Variants in HS6ST2 observed in about 807,000 individuals in gnomAD.
HS6ST2 encodes the protein heparan sulfate 6-O-sulfotransferase 2.
In HS6ST2, 17 loss-of-function variants were observed where a neutral mutation model predicts 33.0. The observed-to-expected ratio is 0.52, with a 90% CI of 0.35 to 0.77. The LOEUF (loss-of-function observed/expected upper bound fraction) is 0.77, where lower values mean the gene tolerates loss of function less well. Ranked by LOEUF, HS6ST2 falls within the 30% of genes least tolerant of loss-of-function variation. The pLI is 0.01. For synonymous variants in HS6ST2, 248 were observed against 237.1 expected, an observed-to-expected ratio of 1.05 and a Z score of -0.42; for missense variants, 519 against 551.7, an observed-to-expected ratio of 0.94 and a Z score of 0.59.
chrX:132,879,331 C>T (rs145502220), intron 2 of HS6ST2, among the ~76,000 whole-genome samples: 1 of 111,877 alleles, frequency 8.9e-6, no homozygotes, highest in East Asian at 2.8e-4. Flanking sequence ...TGCCTAACAG[C>T]CACCCATCAT....
At position 132,860,248 on chromosome X, in the gene HS6ST2, G is replaced by A. The variant is rs191833408; in HGVS notation, c.947+96560C>T. Reference sequence around the variant, plus strand: ...CTTATGAGTGGCATATTGTCAGTCTGTAGTTGATTGGTTTTATGGTGCCTC... The same window carrying A: ...CTTATGAGTGGCATATTGTCAGTCTATAGTTGATTGGTTTTATGGTGCCTC... On this transcript the variant is annotated intron_variant, in intron 2 of 4. Coordinates refer to ENST00000370833, the MANE Select transcript of HS6ST2 (RefSeq NM_001394073.1). Among the ~76,000 whole-genome samples the A allele has an allele frequency of 3.6e-5, 4 of 112,045 alleles. No individual in the cohort carries two copies. In the East Asian group the frequency reaches 1.1e-3, roughly 32 times the overall value.
intron 2 of HS6ST2, among the ~76,000 whole-genome samples, chrX:132,940,546 A>G (rs1172798909): frequency 8.9e-6 from 1 of 111,915 alleles, no homozygotes; most frequent in Non-Finnish European, 1.9e-5. Flanking sequence ...AGAGACTTGA[A>G]CCTAGAATAT....
intron 2 of HS6ST2, among the ~76,000 whole-genome samples, chrX:132,781,095 T>C (rs1569490260): frequency 8.9e-6 from 1 of 112,243 alleles, no homozygotes; most frequent in Non-Finnish European, 1.9e-5. Flanking sequence ...GTTTCTCACA[T>C]ACACTGTCTT....
chrX:132,916,208 A>G (rs748135598), intron 2 of HS6ST2, among the ~76,000 whole-genome samples: 2 of 111,617 alleles, frequency 1.8e-5, no homozygotes, highest in South Asian at 7.6e-4. Flanking sequence ...CCCTGCTGCT[A>G]ACTATCTGTA....
chrX:132,806,610 C>G (rs1048331497), intron 2 of HS6ST2, among the ~76,000 whole-genome samples: 6 of 110,321 alleles, frequency 5.4e-5, no homozygotes, highest in Non-Finnish European at 9.6e-5. Context: ...AGAGCAAAAG[C>G]AGCCATAGAC....
chrX:132,753,814 A>G (rs2064731896), intron 2 of HS6ST2, among the ~76,000 whole-genome samples: 1 of 111,818 alleles, frequency 8.9e-6, no homozygotes, highest in Non-Finnish European at 1.9e-5. Flanking sequence ...TTAAGGGGGC[A>G]CCAAAACATT....
intron 3 of HS6ST2, among the ~76,000 whole-genome samples, chrX:132,693,147 T>TCAGGACAGGCAGAGCAGACCC (rs1464728442): frequency 1.8e-5 from 2 of 112,039 alleles, no homozygotes; most frequent in African/African-American, 6.5e-5. Flanking sequence ...ATGGTAGATA[T>TCAGGACAGGCAGAGCAGACCC]CAGGACAGGC....
At chrX:132,818,065 C>T (rs2065412120) in intron 2 of HS6ST2, among the ~76,000 whole-genome samples, 1 of 111,418 alleles carries the variant, frequency 9.0e-6, no homozygotes, top group Non-Finnish European at 1.9e-5. Context: ...GTTTGAAGGG[C>T]TTTATGGATA....
At chrX:132,855,776 T>C (rs1341146083) in intron 2 of HS6ST2, among the ~76,000 whole-genome samples, 2 of 111,466 alleles carry the variant, frequency 1.8e-5, no homozygotes, top group Non-Finnish European at 3.8e-5. Flanking sequence ...TCAACTACAA[T>C]AGTTTAAAAT....
At chrX:132,748,629 G>T (rs920075193) in intron 2 of HS6ST2, among the ~76,000 whole-genome samples, 3 of 111,266 alleles carry the variant, frequency 2.7e-5, no homozygotes, top group African/African-American at 6.5e-5. Context: ...TTGAGACGGG[G>T]TCTCACTCTG....
chrX:132,740,469 G>T (rs916513193), intron 2 of HS6ST2, among the ~76,000 whole-genome samples: 1 of 111,554 alleles, frequency 9.0e-6, no homozygotes, highest in Non-Finnish European at 1.9e-5. Context: ...CACAATAGCG[G>T]GGGTGTGGGG....
At chrX:132,717,480 G>C (rs1218044526) in intron 2 of HS6ST2, among the ~76,000 whole-genome samples, 1 of 112,671 alleles carries the variant, frequency 8.9e-6, no homozygotes, top group African/African-American at 3.2e-5. Context: ...TACAACCAAC[G>C]GTTTTGATGA....
chrX:132,724,811 T>G (rs1191457203), intron 2 of HS6ST2, among the ~76,000 whole-genome samples: 1 of 111,525 alleles, frequency 9.0e-6, no homozygotes, highest in Non-Finnish European at 1.9e-5. Flanking sequence ...AACAGACAGG[T>G]CAATGGAACA....
intron 4 of HS6ST2, among the ~76,000 whole-genome samples, chrX:132,640,679 A>G (rs1156423000): frequency 9.0e-6 from 1 of 111,614 alleles, no homozygotes; most frequent in Non-Finnish European, 1.9e-5. Flanking sequence ...CAAGCATACT[A>G]AGATTTCCAA....
chrX:132,726,878 T>C (rs923203673), intron 2 of HS6ST2, among the ~76,000 whole-genome samples: 1 of 111,671 alleles, frequency 9.0e-6, no homozygotes, highest in Non-Finnish European at 1.9e-5. Context: ...TTCCATTTTA[T>C]AGATATCCAC....
In HS6ST2 at chrX:132,785,222, G is replaced by A. The variant is rs950880055; in HGVS notation, c.948-76728C>T. On this transcript the variant is annotated intron_variant, in intron 2 of 4. Coordinates refer to ENST00000370833, the MANE Select transcript of HS6ST2 (RefSeq NM_001394073.1). The stretch of plus-strand genomic sequence containing the variant: ...TTGAGGCAAAAGAAAACAATTAAAC[G>A]TTTTATCAAAGTCAAGTCTTACTGG... 2.7e-5 allele frequency among the ~76,000 whole-genome samples: 3 copies of A among 111,914 alleles called. No individual in the cohort carries two copies. In the Admixed American group the frequency reaches 2.8e-4, roughly 11 times the overall value.
intron 2 of HS6ST2, among the ~76,000 whole-genome samples, chrX:132,864,407 A>C (rs930629954): frequency 2.8e-5 from 3 of 108,187 alleles, no homozygotes; most frequent in Non-Finnish European, 3.8e-5. Context: ...GAAGAACATA[A>C]ATGACCTGAT....
chrX:132,941,682 T>C (rs927628371), intron 2 of HS6ST2, among the ~76,000 whole-genome samples: 1 of 112,327 alleles, frequency 8.9e-6, no homozygotes. Flanking sequence ...TGTATATCTT[T>C]ATAACTTCAT....
intron 2 of HS6ST2, among the ~76,000 whole-genome samples, chrX:132,829,199 T>TATATATATACAC (rs55664940): frequency 7.5e-4 from 55 of 73,286 alleles, no homozygotes; most frequent in African/African-American, 1.5e-3. Flanking sequence ...TATATATATA[T>TATATATATACAC]ACATACTTAT....
Sources: allele counts gnomAD v4.1 joint callset (sites outside exome capture counted in the v4.1 genomes callset), GRCh38; gene constraint gnomAD v4.1.1; transcripts MANE v1.5; gene names NCBI Gene and HGNC (gene_info 2026-07-23, HGNC 2026-07-21).